The following NELL1 variants were observed in gnomAD, a reference collection of about 807,000 sequenced individuals.
NELL1 encodes neural EGFL like 1.
NELL1 carries 76 observed loss-of-function variants against 107.4 expected under a neutral mutation model. The ratio of observed to expected loss-of-function variants is 0.71; its 90% CI spans 0.59 to 0.86. NELL1 has a LOEUF of 0.86. NELL1 is among the 40% of genes least tolerant of loss of function. The pLI is 0.00. For synonymous variants in NELL1, 353 were observed against 341.2 expected (o/e 1.03, Z -0.38); for missense variants, 1,024 against 1,005.5 (o/e 1.02, Z -0.25).
intron 14 of NELL1, among the ~76,000 whole-genome samples, chr11:21,320,165 A>G (rs1452700692): frequency 6.6e-6 from 1 of 152,058 alleles, no homozygotes; most frequent in African/African-American, 2.4e-5. Context: ...TCTCCTGCTG[A>G]TAACAGTTAT....
chr11:21,458,441 A>G (rs1180107556), intron 15 of NELL1, among the ~76,000 whole-genome samples: 1 of 152,192 alleles, frequency 6.6e-6, no homozygotes, highest in African/African-American at 2.4e-5. Flanking sequence ...AATCATTTAT[A>G]ATAAGGAAAA....
At chr11:21,408,220 T>A (rs918440032) in intron 15 of NELL1, among the ~76,000 whole-genome samples, 1 of 151,986 alleles carries the variant, frequency 6.6e-6, no homozygotes, top group African/African-American at 2.4e-5. Context: ...CAAAATGAAA[T>A]TCAACTGGCA....
chr11:21,575,186 A>T lies in NELL1; in HGVS notation c.*164A>T. On this transcript the variant is annotated 3_prime_UTR_variant, in exon 20 of 20. Transcript: ENST00000357134. ...ACGGTGTTTGGAGGTTGCCTTTTGG[A>T]CCTACCACTTTGCTCATTCTTGCTA... 1.6e-6 allele frequency: 1 copy of T among 633,668 alleles called. No individual in the cohort carries two copies. The highest frequency in any genetic ancestry group is 2.8e-6 in the Non-Finnish European group (1 of 355,694). 39.3% of individuals were successfully genotyped at this position (633,668 alleles called of 1,614,324 possible).
intron 14 of NELL1, among the ~76,000 whole-genome samples, chr11:21,328,046 C>A (rs976398363): frequency 6.6e-6 from 1 of 152,126 alleles, no homozygotes; most frequent in Non-Finnish European, 1.5e-5. Context: ...GAAATTCAAG[C>A]TGGCTGCAGA....
rs200286989 is a variant in NELL1 at position 21,256,842 on chromosome 11, G to A, written c.1549+27388G>A. 2.0e-5 allele frequency among the ~76,000 whole-genome samples: 3 copies of A among 152,114 alleles called. No homozygotes were observed. The East Asian group carries it at 5.8e-4, about 30-fold the overall frequency. On this transcript the variant is annotated intron_variant, in intron 14 of 19. Transcript: ENST00000357134. ...TCTGGGAGGTGAGCACCGGAAGCACGGGTATAGGGCAATGGGCAAGTGAGA... is the reference window on the plus strand; with the variant it reads ...TCTGGGAGGTGAGCACCGGAAGCACAGGTATAGGGCAATGGGCAAGTGAGA...
intron 15 of NELL1, among the ~76,000 whole-genome samples, chr11:21,417,435 AT>A (rs940125207): frequency 1.4e-4 from 21 of 148,514 alleles, no homozygotes; most frequent in African/African-American, 3.2e-4. Flanking sequence ...AATGTTTCTG[AT>A]TTTTTTTTTC....
At chr11:20,983,042 A>G (rs1851780127) in intron 12 of NELL1, among the ~76,000 whole-genome samples, 1 of 152,182 alleles carries the variant, frequency 6.6e-6, no homozygotes, top group African/African-American at 2.4e-5. Flanking sequence ...AGAGACCTTC[A>G]GATCAGTAAG....
intron 14 of NELL1, among the ~76,000 whole-genome samples, chr11:21,241,928 T>C (rs2133899341): frequency 7.0e-6 from 1 of 141,936 alleles, no homozygotes; most frequent in South Asian, 2.3e-4. Flanking sequence ...TTTTGCCTAA[T>C]TGTGTCATTT....
chr11:21,420,648 G>T (rs781369174), intron 15 of NELL1, among the ~76,000 whole-genome samples: 1 of 152,084 alleles, frequency 6.6e-6, no homozygotes, highest in Non-Finnish European at 1.5e-5. Flanking sequence ...TAGACTCCCA[G>T]GTCCCCTTTC....
At chr11:20,798,978 C>T (rs189542280) in intron 3 of NELL1, among the ~76,000 whole-genome samples, 1,162 of 39,316 alleles carry the variant, frequency 0.03, 14 homozygotes, top group African/African-American at 0.044. Flanking sequence ...ATGATAAATA[C>T]GGACAAAATT....
chr11:21,172,071 TA>T (rs1028743247), intron 13 of NELL1, among the ~76,000 whole-genome samples: 2 of 151,576 alleles, frequency 1.3e-5, no homozygotes, highest in African/African-American at 4.9e-5. Context: ...CTCTAACATT[TA>T]GCTACTGTGA....
chr11:21,495,730 A>G (rs921877466), intron 15 of NELL1, among the ~76,000 whole-genome samples: 1 of 151,770 alleles, frequency 6.6e-6, no homozygotes, highest in South Asian at 2.1e-4. Context: ...ACCTCCTTTT[A>G]TTTTTGATTT....
chr11:21,400,357 G>T (rs1455997146), intron 15 of NELL1, among the ~76,000 whole-genome samples: 1 of 151,800 alleles, frequency 6.6e-6, no homozygotes. Context: ...CTTATTTTCT[G>T]ATGAAATCTG....
intron 2 of NELL1, among the ~76,000 whole-genome samples, chr11:20,742,716 T>G (rs1855918173): frequency 6.6e-6 from 1 of 152,098 alleles, no homozygotes; most frequent in Non-Finnish European, 1.5e-5. Flanking sequence ...CCCACCCCCG[T>G]GATTCAATGA....
intron 14 of NELL1, among the ~76,000 whole-genome samples, chr11:21,241,434 G>T (rs1858356143): frequency 6.6e-6 from 1 of 152,122 alleles, no homozygotes; most frequent in South Asian, 2.1e-4. Flanking sequence ...AGCTTAAATA[G>T]ATCTGTTACC....
At chr11:21,375,501 G>A (rs1178289528) in intron 15 of NELL1, among the ~76,000 whole-genome samples, 1 of 152,090 alleles carries the variant, frequency 6.6e-6, no homozygotes, top group Non-Finnish European at 1.5e-5. Context: ...ACTGTGAATA[G>A]TGCTGCAACG....
chr11:21,058,462 C>G (rs1853662655), intron 12 of NELL1, among the ~76,000 whole-genome samples: 1 of 152,074 alleles, frequency 6.6e-6, no homozygotes, highest in African/African-American at 2.4e-5. Context: ...AGTAAGCACA[C>G]TTAATGTCAT....
At chr11:20,929,436 C>CT (rs562139864) in intron 9 of NELL1, among the ~76,000 whole-genome samples, 14,766 of 142,820 alleles carry the variant, frequency 0.1, 878 homozygotes, top group East Asian at 0.21. Flanking sequence ...TGTAATCTTC[C>CT]TTTTTTTTTT....
intron 12 of NELL1, among the ~76,000 whole-genome samples, chr11:21,042,059 C>T (rs1171615972): frequency 1.3e-5 from 2 of 152,182 alleles, no homozygotes. Context: ...TACCATCTTG[C>T]CTTCATTTAG....
Sources: gnomAD v4.1 joint callset for allele counts (sites outside exome capture counted in the v4.1 genomes callset) on GRCh38, gnomAD v4.1.1 for gene constraint, MANE v1.5 for transcripts, NCBI Gene and HGNC (gene_info 2026-07-23, HGNC 2026-07-21) for gene names.